The following SLC24A2 variants were observed in gnomAD, a reference collection of about 807,000 sequenced individuals.
SLC24A2 encodes solute carrier family 24 member 2, also known as sodium/potassium/calcium exchanger 2.
In SLC24A2, 36 loss-of-function variants were observed where a neutral mutation model predicts 62.0. The observed-to-expected ratio is 0.58, with a 90% CI of 0.44 to 0.77. The LOEUF is 0.77. Among genes scored for constraint, SLC24A2 ranks in the 30% least tolerant of loss-of-function variants. The pLI, the probability that SLC24A2 is intolerant of heterozygous loss-of-function variation, is 0.00. For synonymous variants in SLC24A2, 358 were observed against 294.0 expected, an observed-to-expected ratio of 1.22 and a Z score of -2.23; for missense variants, 846 against 817.9, an observed-to-expected ratio of 1.03 and a Z score of -0.42.
chr9:19,784,162 C>T (rs1372277780), intron 2 of SLC24A2, among the ~76,000 whole-genome samples: 1 of 152,110 alleles, frequency 6.6e-6, no homozygotes, highest in Non-Finnish European at 1.5e-5. Context: ...CATTCCAGGG[C>T]TACTTTAATG....
At chr9:19,691,677 C>T (rs1011308301) in intron 2 of SLC24A2, among the ~76,000 whole-genome samples, 1 of 152,074 alleles carries the variant, frequency 6.6e-6, no homozygotes, top group African/African-American at 2.4e-5. Context: ...TATATACTTT[C>T]CTAGTATATG....
the SLC24A2 span, among the ~76,000 whole-genome samples, chr9:20,217,535 T>C: frequency 6.6e-6 from 1 of 152,184 alleles, no homozygotes; most frequent in Non-Finnish European, 1.5e-5. Context: ...AAGCTGGTGC[T>C]GGGAGCAGGT....
At chr9:20,105,991 C>T in the SLC24A2 span, among the ~76,000 whole-genome samples, 16 of 152,082 alleles carry the variant, frequency 1.1e-4, no homozygotes, top group South Asian at 2.1e-4. Flanking sequence ...ATCAAATAGA[C>T]GCAATAAAAA....
chr9:19,853,863 T>C, the SLC24A2 span, among the ~76,000 whole-genome samples: 1 of 152,226 alleles, frequency 6.6e-6, no homozygotes, highest in Admixed American at 6.5e-5. Context: ...TTGTTTGGAA[T>C]AGTTTCAGAG....
chr9:19,706,379 CTTTT>C (rs34321235), intron 2 of SLC24A2, among the ~76,000 whole-genome samples: 3 of 131,926 alleles, frequency 2.3e-5, no homozygotes, highest in Non-Finnish European at 3.2e-5. Context: ...GGTCTTGAAT[CTTTT>C]TTTTTTTTTT....
chr9:20,001,169 C>T, the SLC24A2 span, among the ~76,000 whole-genome samples: 7 of 152,222 alleles, frequency 4.6e-5, no homozygotes, highest in Non-Finnish European at 8.8e-5. Flanking sequence ...GCAGAGCCTG[C>T]ATTGTCCCTG....
chr9:20,055,364 A>G, the SLC24A2 span, among the ~76,000 whole-genome samples: 10 of 152,246 alleles, frequency 6.6e-5, no homozygotes, highest in Non-Finnish European at 1.3e-4. Flanking sequence ...CATTTTATCT[A>G]GCAATCATAA....
intron 2 of SLC24A2, among the ~76,000 whole-genome samples, chr9:19,781,141 G>C (rs1190089490): frequency 2.0e-5 from 3 of 152,110 alleles, no homozygotes; most frequent in Non-Finnish European, 4.4e-5. Flanking sequence ...GGTTACTAGA[G>C]ACTTACCTAA....
chr9:19,793,351 C>T (rs773191960), upstream of SLC24A2, among the ~76,000 whole-genome samples: 2 of 152,206 alleles, frequency 1.3e-5, no homozygotes, highest in Non-Finnish European at 2.9e-5. Flanking sequence ...CATGGCAAAC[C>T]TAGAACTTGC....
chr9:19,816,729 C>T, the SLC24A2 span, among the ~76,000 whole-genome samples: 2 of 151,960 alleles, frequency 1.3e-5, no homozygotes, highest in Non-Finnish European at 2.9e-5. Context: ...CAAGAGAGGG[C>T]AAGGGAGGTG....
intron 2 of SLC24A2, among the ~76,000 whole-genome samples, chr9:19,690,975 G>T (rs1820030309): frequency 6.6e-6 from 1 of 152,028 alleles, no homozygotes; most frequent in Non-Finnish European, 1.5e-5. Flanking sequence ...ATTGGCAAAA[G>T]AAAAAGACAG....
At chr9:20,225,317 A>T in the SLC24A2 span, among the ~76,000 whole-genome samples, 1 of 151,580 alleles carries the variant, frequency 6.6e-6, no homozygotes, top group South Asian at 2.1e-4. Context: ...ATTCGGCAAC[A>T]GTCTAAATGT....
chr9:20,059,806 G>A, the SLC24A2 span, among the ~76,000 whole-genome samples: 6 of 151,972 alleles, frequency 3.9e-5, no homozygotes, highest in Non-Finnish European at 7.4e-5. Context: ...GAAAATTAGA[G>A]CAGAGATAAG....
At chr9:19,973,673 A>G in the SLC24A2 span, among the ~76,000 whole-genome samples, 1 of 152,228 alleles carries the variant, frequency 6.6e-6, no homozygotes, top group Non-Finnish European at 1.5e-5. Context: ...ACTCACATCA[A>G]TTACTTTCAT....
intron 2 of SLC24A2, among the ~76,000 whole-genome samples, chr9:19,676,546 G>A (rs957121571): frequency 1.3e-5 from 2 of 152,098 alleles, no homozygotes; most frequent in Non-Finnish European, 2.9e-5. Flanking sequence ...TCCCACAATG[G>A]AGGCACTTTT....
At chr9:20,284,001 T>C in the SLC24A2 span, among the ~76,000 whole-genome samples, 20 of 152,330 alleles carry the variant, frequency 1.3e-4, 1 homozygote, top group South Asian at 4.1e-3. Flanking sequence ...TTCCCTGGGT[T>C]CTACATTCAA....
chr9:20,252,990 G>A, the SLC24A2 span, among the ~76,000 whole-genome samples: 1 of 152,186 alleles, frequency 6.6e-6, no homozygotes, highest in Admixed American at 6.5e-5. Flanking sequence ...ATTTGCTAAA[G>A]AAAGACTCCA....
At chr9:20,193,233 A>C in the SLC24A2 span, among the ~76,000 whole-genome samples, 6 of 152,326 alleles carry the variant, frequency 3.9e-5, no homozygotes, top group African/African-American at 1.4e-4. Flanking sequence ...GGTTTGAAAT[A>C]AAGTACAAAC....
At chr9:20,246,913 G>T in the SLC24A2 span, among the ~76,000 whole-genome samples, 3 of 152,210 alleles carry the variant, frequency 2.0e-5, no homozygotes, top group Non-Finnish European at 2.9e-5. Context: ...TACTGAGTGA[G>T]ATTTGTTCTA....
Sources: gnomAD v4.1 joint callset for allele counts (sites outside exome capture counted in the v4.1 genomes callset) on GRCh38, gnomAD v4.1.1 for gene constraint, MANE v1.5 for transcripts, NCBI Gene and HGNC (gene_info 2026-07-23, HGNC 2026-07-21) for gene names.